Variants in KLF12 observed in about 807,000 individuals in gnomAD.
KLF12 encodes the protein KLF transcription factor 12.
In KLF12, 9 loss-of-function variants were observed where a neutral mutation model predicts 37.8. The ratio of observed to expected loss-of-function variants is 0.24; its 90% CI spans 0.14 to 0.42. The LOEUF (loss-of-function observed/expected upper bound fraction) is 0.42, where lower values mean the gene tolerates loss of function less well. KLF12 is among the 10% of genes least tolerant of loss of function. The pLI, the probability that KLF12 is intolerant of heterozygous loss-of-function variation, is 1.00. For synonymous variants in KLF12, 208 were observed against 202.1 expected (o/e 1.03, Z -0.25); for missense variants, 411 against 516.0 (o/e 0.80, Z 1.97).
At chr13:73,814,501 C>T (rs978613685) in intron 4 of KLF12, among the ~76,000 whole-genome samples, 1 of 152,144 alleles carries the variant, frequency 6.6e-6, no homozygotes, top group African/African-American at 2.4e-5. Context: ...TATTTCATCA[C>T]GTTTCTAACT....
At chr13:73,759,318 T>C (rs192911135) in intron 6 of KLF12, among the ~76,000 whole-genome samples, 20 of 152,284 alleles carry the variant, frequency 1.3e-4, no homozygotes, top group African/African-American at 4.6e-4. Flanking sequence ...CATAATATAA[T>C]TTTTGCTCTG....
intron 1 of KLF12, among the ~76,000 whole-genome samples, chr13:74,081,367 C>T (rs1357294376): frequency 6.6e-6 from 1 of 152,188 alleles, no homozygotes; most frequent in Non-Finnish European, 1.5e-5. Context: ...ATGCTTCTTT[C>T]ATCTCGTCTT....
intron 3 of KLF12, among the ~76,000 whole-genome samples, chr13:73,873,673 T>C (rs1886577979): frequency 6.6e-6 from 1 of 152,186 alleles, no homozygotes; most frequent in Admixed American, 6.5e-5. Context: ...ACTATTTTAT[T>C]TAAAAAATAA....
At chr13:74,205,496 T>G in the KLF12 span, among the ~76,000 whole-genome samples, 1 of 152,058 alleles carries the variant, frequency 6.6e-6, no homozygotes, top group Non-Finnish European at 1.5e-5. Context: ...CCTACTCAAG[T>G]GTATTGAGTA....
rs559640916 is a variant in KLF12 at position 73,780,291 on chromosome 13, C to T, written c.807-15291G>A. On this transcript the variant is annotated intron_variant, in intron 5 of 7. Transcript: ENST00000377669. ...GGGAAACAGGTGGTGTTTGGTTGCA[C>T]GGAAAAGTTCCTTAATGGCGATTTC... Among the ~76,000 whole-genome samples, 11 of 152,162 alleles carry T rather than the reference C, an allele frequency of 7.2e-5. No individual in the cohort carries two copies. In the East Asian group the frequency reaches 1.5e-3, roughly 21 times the overall value.
chr13:74,277,972 T>C, the KLF12 span, among the ~76,000 whole-genome samples: 1 of 152,294 alleles, frequency 6.6e-6, no homozygotes, highest in South Asian at 2.1e-4. Flanking sequence ...TTAGAGCTGA[T>C]GGAGACAAGG....
intron 5 of KLF12, among the ~76,000 whole-genome samples, chr13:73,788,715 A>G (rs1161530595): frequency 6.6e-6 from 1 of 151,890 alleles, no homozygotes; most frequent in African/African-American, 2.4e-5. Flanking sequence ...TTTTTGTTTC[A>G]GAACATTTCA....
At chr13:73,790,823 C>T (rs1881641786) in intron 5 of KLF12, among the ~76,000 whole-genome samples, 1 of 152,214 alleles carries the variant, frequency 6.6e-6, no homozygotes, top group Non-Finnish European at 1.5e-5. Context: ...TTGACTTGCA[C>T]ACAGGGCCAG....
At chr13:73,939,145 A>C (rs1163986802) in intron 3 of KLF12, among the ~76,000 whole-genome samples, 1 of 152,184 alleles carries the variant, frequency 6.6e-6, no homozygotes, top group Non-Finnish European at 1.5e-5. Flanking sequence ...ACACCCTTGC[A>C]GTTAGTGTAG....
intron 3 of KLF12, among the ~76,000 whole-genome samples, chr13:73,917,977 CT>C (rs1888923337): frequency 6.6e-6 from 1 of 151,832 alleles, no homozygotes; most frequent in South Asian, 2.1e-4. Context: ...AATGCTTAAT[CT>C]AGTTAAAAAG....
the KLF12 span, among the ~76,000 whole-genome samples, chr13:74,248,947 G>A: frequency 2.0e-5 from 3 of 152,108 alleles, no homozygotes; most frequent in Admixed American, 6.5e-5. Context: ...TGGGAACAAT[G>A]GACAGTCAGT....
chr13:74,101,966 T>C (rs1383756172), intron 1 of KLF12, among the ~76,000 whole-genome samples: 1 of 152,038 alleles, frequency 6.6e-6, no homozygotes, highest in Non-Finnish European at 1.5e-5. Context: ...ACACCTGTAA[T>C]CCCAGCACTT....
At chr13:73,857,059 G>A (rs113805283) in intron 3 of KLF12, among the ~76,000 whole-genome samples, 14 of 152,016 alleles carry the variant, frequency 9.2e-5, no homozygotes, top group African/African-American at 3.1e-4. Flanking sequence ...AAATAAAAAA[G>A]GAGTCAAGGA....
At chr13:74,110,301 A>G (rs1339137312) in intron 1 of KLF12, among the ~76,000 whole-genome samples, 4 of 152,146 alleles carry the variant, frequency 2.6e-5, no homozygotes, top group Non-Finnish European at 4.4e-5. Flanking sequence ...CCCACCCATC[A>G]ACGTGTGGCT....
chr13:73,965,558 A>G (rs1043575708), intron 2 of KLF12, among the ~76,000 whole-genome samples: 1 of 152,154 alleles, frequency 6.6e-6, no homozygotes, highest in African/African-American at 2.4e-5. Context: ...TTGTATCTAC[A>G]TGGCTGTTTA....
chr13:73,807,940 AT>A (rs1882732136), intron 5 of KLF12, among the ~76,000 whole-genome samples: 1 of 152,306 alleles, frequency 6.6e-6, no homozygotes, highest in East Asian at 1.9e-4. Flanking sequence ...TTCTACTTGC[AT>A]TAATAAATGA....
At chr13:73,701,936 G>A (rs953371678) in intron 7 of KLF12, among the ~76,000 whole-genome samples, 1 of 152,044 alleles carries the variant, frequency 6.6e-6, no homozygotes, top group African/African-American at 2.4e-5. Flanking sequence ...AAAAAGAAAC[G>A]TGTTAACCAA....
chr13:74,117,576 C>T (rs78882196), intron 1 of KLF12, among the ~76,000 whole-genome samples: 2 of 152,116 alleles, frequency 1.3e-5, no homozygotes, highest in Non-Finnish European at 2.9e-5. Flanking sequence ...TTCCACAGAA[C>T]AGAGTAAGGA....
rs540472112 is a variant in KLF12 at position 74,023,946 on chromosome 13, A to T, written c.-31-28893T>A. ...GTTAAGACAGTTCCTAAGAGATCAA[A>T]GTGCAAAGAGATTCCAACCCCTAAC... On this transcript the variant is annotated intron_variant, in intron 1 of 7. Coordinates refer to ENST00000377669, the MANE Select transcript of KLF12 (RefSeq NM_007249.5). 1.1e-3 allele frequency among the ~76,000 whole-genome samples: 161 copies of T among 152,298 alleles called. 1 individual carries two copies. Among genetic ancestry groups the T allele is most frequent in the African/African-American group, 3.6e-3 (150 of 41,560 alleles).
Sources: gnomAD v4.1 joint callset for allele counts (sites outside exome capture counted in the v4.1 genomes callset) on GRCh38, gnomAD v4.1.1 for gene constraint, MANE v1.5 for transcripts, NCBI Gene and HGNC (gene_info 2026-07-23, HGNC 2026-07-21) for gene names.